The following RIMS2 variants were observed in gnomAD, a reference collection of about 807,000 sequenced individuals.
RIMS2 encodes regulating synaptic membrane exocytosis 2, also known as regulating synaptic membrane exocytosis protein 2.
RIMS2 carries 59 observed loss-of-function variants against 174.4 expected under a neutral mutation model. The ratio of observed to expected loss-of-function variants is 0.34; its 90% confidence interval spans 0.27 to 0.42. The LOEUF is 0.42. Among genes scored for constraint, RIMS2 ranks in the 10% least tolerant of loss-of-function variants. RIMS2 has a pLI of 1.00. For missense variants in RIMS2, 1,620 were observed against 1,666.3 expected (o/e 0.97, Z 0.48); for synonymous variants, 606 against 572.5 (o/e 1.06, Z -0.84).
intron 1 of RIMS2, among the ~76,000 whole-genome samples, chr8:103,601,841 G>C (rs1251348265): frequency 6.6e-6 from 1 of 151,406 alleles, no homozygotes; most frequent in Non-Finnish European, 1.5e-5. Context: ...GTTACTGTGA[G>C]GCTTGCAAAG....
chr8:103,964,538 A>T (rs1184516711), intron 15 of RIMS2, among the ~76,000 whole-genome samples: 2 of 151,978 alleles, frequency 1.3e-5, no homozygotes, highest in Admixed American at 6.6e-5. Context: ...GTTGAGTTTT[A>T]AGAGTTCTCT....
At chr8:104,184,247 A>G (rs2098956423) in intron 19 of RIMS2, among the ~76,000 whole-genome samples, 1 of 151,672 alleles carries the variant, frequency 6.6e-6, no homozygotes, top group Admixed American at 6.6e-5. Flanking sequence ...TTCTGAGACT[A>G]TATTTTCTCA....
intron 3 of RIMS2, among the ~76,000 whole-genome samples, chr8:103,843,845 G>A (rs917606181): frequency 6.6e-6 from 1 of 151,454 alleles, no homozygotes; most frequent in African/African-American, 2.4e-5. Flanking sequence ...ACTTTTTTTG[G>A]CATGATTTGA....
chr8:103,978,775 A>G (rs2093657612), intron 16 of RIMS2, among the ~76,000 whole-genome samples: 1 of 152,242 alleles, frequency 6.6e-6, no homozygotes, highest in South Asian at 2.1e-4. Context: ...CCTAACAGAA[A>G]TCAATAATCA....
chr8:104,189,712 AAATGCAG>A (rs1314733241), intron 19 of RIMS2, among the ~76,000 whole-genome samples: 1 of 151,450 alleles, frequency 6.6e-6, no homozygotes, highest in Non-Finnish European at 1.5e-5. Flanking sequence ...AGTTTCCACA[AAATGCAG>A]AATAATGGCT....
chr8:104,167,093 A>G (rs2098802929), intron 19 of RIMS2, among the ~76,000 whole-genome samples: 2 of 152,194 alleles, frequency 1.3e-5, no homozygotes, highest in Admixed American at 1.3e-4. Context: ...CTGTGCATGT[A>G]TCTTTTTCAT....
At chr8:103,902,894 T>G (rs893878765) in intron 4 of RIMS2, among the ~76,000 whole-genome samples, 4 of 152,126 alleles carry the variant, frequency 2.6e-5, no homozygotes, top group South Asian at 2.1e-4. Flanking sequence ...ATTAGAGAAC[T>G]TTTAAATTAC....
chr8:103,837,659 G>C (rs1001745002), intron 3 of RIMS2, among the ~76,000 whole-genome samples: 6 of 152,132 alleles, frequency 3.9e-5, no homozygotes, highest in Admixed American at 2.0e-4. Context: ...ATGGTTTCCA[G>C]CTTCATCCAT....
intron 2 of RIMS2, among the ~76,000 whole-genome samples, chr8:103,706,369 C>G (rs1434622062): frequency 6.6e-6 from 1 of 152,054 alleles, no homozygotes; most frequent in Non-Finnish European, 1.5e-5. Flanking sequence ...CTGAATTTGT[C>G]TGTGTAGTTA....
At chr8:104,124,919 T>C (rs1287689791) in intron 19 of RIMS2, among the ~76,000 whole-genome samples, 1 of 152,022 alleles carries the variant, frequency 6.6e-6, no homozygotes, top group Non-Finnish European at 1.5e-5. Context: ...AATGGTCATG[T>C]CTATAGATAT....
chr8:104,024,259 T>C (rs2096192716), intron 19 of RIMS2, among the ~76,000 whole-genome samples: 1 of 152,200 alleles, frequency 6.6e-6, no homozygotes, highest in Non-Finnish European at 1.5e-5. Flanking sequence ...CTTTTGCTTG[T>C]AGTTTACCAA....
intron 19 of RIMS2, among the ~76,000 whole-genome samples, chr8:104,095,156 A>AT (rs2097735077): frequency 6.6e-6 from 1 of 152,202 alleles, no homozygotes; most frequent in African/African-American, 2.4e-5. Flanking sequence ...GTGGCTGAAA[A>AT]AAATTGAGCT....
intron 19 of RIMS2, among the ~76,000 whole-genome samples, chr8:104,067,385 C>T (rs1214575433): frequency 1.3e-5 from 2 of 152,054 alleles, no homozygotes; most frequent in Admixed American, 6.6e-5. Flanking sequence ...CTATAACTTT[C>T]CTTTAAAAAT....
chr8:103,981,711 G>T (rs1012632195), intron 16 of RIMS2, among the ~76,000 whole-genome samples: 12 of 152,090 alleles, frequency 7.9e-5, no homozygotes, highest in Non-Finnish European at 1.8e-4. Context: ...ATAATCAAGT[G>T]GATATTCTAG....
At chr8:104,116,275 G>C (rs891972478) in intron 19 of RIMS2, among the ~76,000 whole-genome samples, 1 of 152,092 alleles carries the variant, frequency 6.6e-6, no homozygotes, top group African/African-American at 2.4e-5. Flanking sequence ...ATAATAGGAT[G>C]TTCTATAAAT....
intron 1 of RIMS2, among the ~76,000 whole-genome samples, chr8:103,624,389 T>G (rs1169163329): frequency 6.6e-6 from 1 of 152,178 alleles, no homozygotes; most frequent in African/African-American, 2.4e-5. Context: ...ATCTGTACCA[T>G]CAGCTCCACT....
In RIMS2 at chr8:104,162,609, AG is replaced by A. The variant is rs796427204; in HGVS notation, c.3335-82300del. ...TATAATTAGCTTTTTTCATATTATT[AG>A]GGGGGGAGATCTTTCTTTTCAAAAT... On this transcript the variant is annotated intron_variant, in intron 19 of 23. Transcript: ENST00000504942. 9.5e-4 allele frequency among the ~76,000 whole-genome samples: 145 copies of A among 152,092 alleles called. 1 individual carries two copies. The highest frequency in any genetic ancestry group is 3.2e-3 in the African/African-American group (134 of 41,506).
intron 19 of RIMS2, among the ~76,000 whole-genome samples, chr8:104,206,165 T>G (rs540367587): frequency 2.0e-5 from 3 of 152,330 alleles, no homozygotes; most frequent in Non-Finnish European, 4.4e-5. Context: ...ATTCACTGGT[T>G]TCTGTAATTG....
chr8:103,504,352 G>A (rs1822213721), intron 1 of RIMS2, among the ~76,000 whole-genome samples: 1 of 152,006 alleles, frequency 6.6e-6, no homozygotes, highest in African/African-American at 2.4e-5. Context: ...TTAAATTGTG[G>A]TAATGTTAAT....
Sources: allele counts gnomAD v4.1 joint callset (sites outside exome capture counted in the v4.1 genomes callset), GRCh38; gene constraint gnomAD v4.1.1; transcripts MANE v1.5; gene names NCBI Gene and HGNC (gene_info 2026-07-23, HGNC 2026-07-21).